Variants in MYRIP observed in about 807,000 individuals in gnomAD.
The protein encoded by MYRIP is myosin VIIA and Rab interacting protein, also known as rab effector MyRIP.
MYRIP carries 49 observed loss-of-function variants against 98.0 expected under a neutral mutation model. That is an observed-to-expected ratio of 0.50 (90% CI 0.40 to 0.63). The LOEUF (loss-of-function observed/expected upper bound fraction) is 0.63, where lower values mean the gene tolerates loss of function less well. Among genes scored for constraint, MYRIP ranks in the 30% least tolerant of loss-of-function variants. The pLI is 0.00. For synonymous variants in MYRIP, 404 were observed against 409.5 expected, an observed-to-expected ratio of 0.99 and a Z score of 0.16; for missense variants, 1,004 against 1,058.2, an observed-to-expected ratio of 0.95 and a Z score of 0.71.
At chr3:39,910,695 G>C (rs1457215388) in intron 2 of MYRIP, among the ~76,000 whole-genome samples, 1 of 152,144 alleles carries the variant, frequency 6.6e-6, no homozygotes, top group Admixed American at 6.5e-5. Context: ...TATTTTTAAA[G>C]TTAATTTCAC....
chr3:40,232,989 A>C (rs1952705904), intron 11 of MYRIP: 1 of 152,222 alleles, frequency 6.6e-6, no homozygotes, highest in Non-Finnish European at 1.5e-5. Flanking sequence ...AAGCTCCTTC[A>C]GTCTTTCTGC....
chr3:39,829,364 G>T (rs1941367747), intron 1 of MYRIP, among the ~76,000 whole-genome samples: 1 of 152,198 alleles, frequency 6.6e-6, no homozygotes, highest in Non-Finnish European at 1.5e-5. Flanking sequence ...CAATTCTATG[G>T]AGAATGTTTC....
chr3:40,103,038 G>A (rs924359174), intron 3 of MYRIP, among the ~76,000 whole-genome samples: 1 of 151,740 alleles, frequency 6.6e-6, no homozygotes, highest in Admixed American at 6.6e-5. Context: ...CACTTGAGGT[G>A]ACATCCAGAC....
intron 4 of MYRIP, 92 bp downstream of exon 4, chr3:40,151,276 C>A: frequency 7.4e-7 from 1 of 1,342,912 alleles, no homozygotes. Flanking sequence ...GCACACTCAC[C>A]TGGGACAGAT....
chr3:39,835,788 C>T (rs1039954804), intron 1 of MYRIP, among the ~76,000 whole-genome samples: 1 of 152,220 alleles, frequency 6.6e-6, no homozygotes, highest in East Asian at 1.9e-4. Flanking sequence ...ATTCCCCTCC[C>T]TGTGCCCATA....
At chr3:39,943,820 C>T (rs374876860) in intron 2 of MYRIP, among the ~76,000 whole-genome samples, 4 of 152,114 alleles carry the variant, frequency 2.6e-5, no homozygotes, top group African/African-American at 4.8e-5. Flanking sequence ...TGTATTTAAG[C>T]GGACTTTGTA....
intron 1 of MYRIP, among the ~76,000 whole-genome samples, chr3:39,819,495 CT>C (rs1377617658): frequency 6.6e-6 from 1 of 152,236 alleles, no homozygotes; most frequent in Non-Finnish European, 1.5e-5. Flanking sequence ...AGCTCTGCCC[CT>C]GTCTCACCCA....
At position 40,094,409 on chromosome 3, in the gene MYRIP, G is replaced by A. The variant is rs77420057; in HGVS notation, c.332+50138G>A. ...GTTTATTACACCATGGCACCTCCAC[G>A]CCCTAACTCCTCAGTCTTGCCTTTG... On this transcript the variant is annotated intron_variant, in intron 3 of 16. Coordinates refer to ENST00000302541, the MANE Select transcript of MYRIP (RefSeq NM_015460.4). Among the ~76,000 whole-genome samples, 9 of 152,270 alleles carry A rather than the reference G, an allele frequency of 5.9e-5. No homozygotes were observed. The East Asian group carries it at 1.7e-3, about 29-fold the overall frequency.
intron 2 of MYRIP, among the ~76,000 whole-genome samples, chr3:40,034,217 C>G (rs918270004): frequency 2.6e-5 from 4 of 151,868 alleles, no homozygotes; most frequent in Non-Finnish European, 2.9e-5. Flanking sequence ...CCAAAATTGA[C>G]AAATGGGATC....
intron 3 of MYRIP, among the ~76,000 whole-genome samples, chr3:40,092,501 C>A (rs751573591): frequency 7.9e-5 from 12 of 152,154 alleles, no homozygotes; most frequent in Non-Finnish European, 1.8e-4. Context: ...CTCTGGGAAG[C>A]TTTTGGCAGT....
chr3:40,129,314 G>A (rs1028129389), intron 3 of MYRIP, among the ~76,000 whole-genome samples: 2 of 150,902 alleles, frequency 1.3e-5, no homozygotes, highest in Non-Finnish European at 3.0e-5. Flanking sequence ...AGTGGGGGGC[G>A]CCTGTAATCC....
intron 2 of MYRIP, among the ~76,000 whole-genome samples, chr3:39,999,653 T>C (rs1223951563): frequency 6.6e-6 from 1 of 152,208 alleles, no homozygotes; most frequent in Non-Finnish European, 1.5e-5. Context: ...AAATACCATT[T>C]GACCCAGCAA....
intron 1 of MYRIP, among the ~76,000 whole-genome samples, chr3:39,897,480 C>T (rs1183705001): frequency 1.3e-5 from 2 of 152,188 alleles, no homozygotes; most frequent in Admixed American, 6.5e-5. Flanking sequence ...TCTCTGTTGT[C>T]ATGTTGGTTG....
At chr3:39,986,455 CCT>C (rs369680741) in intron 2 of MYRIP, among the ~76,000 whole-genome samples, 2,622 of 126,342 alleles carry the variant, frequency 0.021, 70 homozygotes, top group African/African-American at 0.098. Context: ...TCTCTCTCTC[CCT>C]CTCTCTCTCT....
At chr3:39,956,236 A>T (rs950062119) in intron 2 of MYRIP, among the ~76,000 whole-genome samples, 3 of 152,104 alleles carry the variant, frequency 2.0e-5, no homozygotes, top group African/African-American at 7.2e-5. Context: ...TTCTTCTCAG[A>T]ACCACATTGC....
intron 1 of MYRIP, among the ~76,000 whole-genome samples, chr3:39,839,589 C>T (rs970531717): frequency 6.6e-6 from 1 of 152,132 alleles, no homozygotes; most frequent in Non-Finnish European, 1.5e-5. Flanking sequence ...GTTAGGATGT[C>T]AATTTTAGCT....
chr3:40,018,706 C>CT (rs1264336551), intron 2 of MYRIP, among the ~76,000 whole-genome samples: 3 of 152,154 alleles, frequency 2.0e-5, no homozygotes, highest in Admixed American at 6.5e-5. Flanking sequence ...CAGCTTCTAC[C>CT]TTTCCCATAG....
At chr3:40,210,698 C>T (rs17076815) in intron 11 of MYRIP, among the ~76,000 whole-genome samples, 8,844 of 152,176 alleles carry the variant, frequency 0.058, 317 homozygotes, top group African/African-American at 0.097. Flanking sequence ...AAGCCCTAAC[C>T]GCTTGATTTT....
chr3:40,051,749 A>G (rs1479783962), intron 3 of MYRIP, among the ~76,000 whole-genome samples: 1 of 152,100 alleles, frequency 6.6e-6, no homozygotes, highest in East Asian at 1.9e-4. Flanking sequence ...AGAAAACTTA[A>G]GGCTTCTTTT....
Sources: allele counts gnomAD v4.1 joint callset (sites outside exome capture counted in the v4.1 genomes callset), GRCh38; gene constraint gnomAD v4.1.1; transcripts MANE v1.5; gene names NCBI Gene and HGNC (gene_info 2026-07-23, HGNC 2026-07-21).